The following ACOT7 variants were observed in gnomAD, a reference collection of about 807,000 sequenced individuals.
ACOT7 encodes the protein cytosolic acyl coenzyme A thioester hydrolase.
ACOT7 carries 12 observed loss-of-function variants against 40.2 expected under a neutral mutation model. The ratio of observed to expected loss-of-function variants is 0.30; its 90% confidence interval spans 0.19 to 0.48. The LOEUF (loss-of-function observed/expected upper bound fraction) is 0.48. ACOT7 is among the 20% of genes least tolerant of loss of function. The pLI is 0.99. For synonymous variants in ACOT7, 228 were observed against 219.5 expected, an observed-to-expected ratio of 1.04 and a Z score of -0.34; for missense variants, 395 against 530.8, an observed-to-expected ratio of 0.74 and a Z score of 2.51.
Position 6,330,670 on chromosome 1 carries a change from C to T in ACOT7, c.510+2807G>A, listed in dbSNP as rs1640931104. On this transcript the variant is annotated intron_variant, in intron 4 of 8. Coordinates refer to ENST00000361521, the MANE Select transcript of ACOT7 (RefSeq NM_007274.4). This position sits in a 1 kb window ranked among gnomAD's most constrained non-coding sequence, Gnocchi z 4.6. ...CAAGGAGAGGCGAGGCTAACAGGGGCCACGCTGAAAGCACCCTGTCCCTGC... is the reference window on the plus strand; with the variant it reads ...CAAGGAGAGGCGAGGCTAACAGGGGTCACGCTGAAAGCACCCTGTCCCTGC... Among the ~76,000 whole-genome samples the T allele has an allele frequency of 1.3e-5, 2 of 152,216 alleles. No homozygotes were observed. The highest frequency in any genetic ancestry group is 2.1e-4 in the South Asian group (1 of 4,818).
chr1:6,267,329 C>T (rs1032513554), intron 8 of ACOT7, among the ~76,000 whole-genome samples: 1 of 152,208 alleles, frequency 6.6e-6, no homozygotes, highest in Non-Finnish European at 1.5e-5. Context: ...AGAGAGGTGG[C>T]AAATGGCTCT....
rs1393171304 is a variant in ACOT7 at position 6,338,867 on chromosome 1, C to T, written c.418+566G>A. ...CGTGAGCTGGTGAACACTGGAGCCG[C>T]CCCCTCCTGCAGCGCCCAGTGGGAA... On this transcript the variant is annotated intron_variant, in intron 3 of 8. Coordinates refer to ENST00000361521, the MANE Select transcript of ACOT7 (RefSeq NM_007274.4). This position sits in a 1 kb window ranked among gnomAD's most constrained non-coding sequence, Gnocchi z 4.4. Among the ~76,000 whole-genome samples the T allele has an allele frequency of 6.6e-6, 1 of 152,158 alleles. No individual in the cohort carries two copies. The highest frequency in any genetic ancestry group is 2.4e-5 in the African/African-American group (1 of 41,444).
chr1:6,278,830 G>A lies in ACOT7; in HGVS notation c.1014+2272C>T, dbSNP rs1307713381. On this transcript the variant is annotated intron_variant, in intron 8 of 8. Coordinates refer to ENST00000361521, the MANE Select transcript of ACOT7 (RefSeq NM_007274.4). This position sits in a 1 kb window ranked among gnomAD's most constrained non-coding sequence, Gnocchi z 4.1. ...ATCCAGGGAGCGCAGGCTTCACTGAGGGCCTGGTCAGCTGTGCTACAGACA... is the reference window on the plus strand; with the variant it reads ...ATCCAGGGAGCGCAGGCTTCACTGAAGGCCTGGTCAGCTGTGCTACAGACA... Among the ~76,000 whole-genome samples, 1 of 152,214 alleles carries A rather than the reference G, an allele frequency of 6.6e-6. No individual in the cohort carries two copies. The highest frequency in any genetic ancestry group is 1.5e-5 in the Non-Finnish European group (1 of 68,040).
At position 6,375,662 on chromosome 1, in the gene ACOT7, C is replaced by T. The variant is rs892086300; in HGVS notation, c.143+17595G>A. 1.2e-4 allele frequency among the ~76,000 whole-genome samples: 18 copies of T among 152,202 alleles called. No homozygotes were observed. The East Asian group carries it at 1.7e-3, about 15-fold the overall frequency. ...CTACAAAAAAACTTTTTAGGCCGGGCGCAGTGGCTCACGCCTGTAATCCCA... is the reference window on the plus strand; with the variant it reads ...CTACAAAAAAACTTTTTAGGCCGGGTGCAGTGGCTCACGCCTGTAATCCCA... On this transcript the variant is annotated intron_variant, in intron 1 of 8. Transcript: ENST00000361521.
At position 6,360,455 on chromosome 1, in the gene ACOT7, C is replaced by A. The variant is rs1641864144; in HGVS notation, c.144-10589G>T. On this transcript the variant is annotated intron_variant, in intron 1 of 8. Coordinates refer to ENST00000361521, the MANE Select transcript of ACOT7 (RefSeq NM_007274.4). ...TTCCTGAGTAGCCGGCATCCCAGGG[C>A]CAGGGTCTTGAAGCCACAGCGTCTC... The A allele has an allele frequency of 2.1e-6, 3 of 1,416,210 alleles. No individual in the cohort carries two copies. In the East Asian group the frequency reaches 7.0e-5, roughly 33 times the overall value. The allele number at this position is 1,416,210 out of a possible 1,614,324, so 87.7% of individuals were successfully genotyped here.
chr1:6,305,062 C>T (rs1169560233), intron 6 of ACOT7, among the ~76,000 whole-genome samples: 7 of 147,182 alleles, frequency 4.8e-5, no homozygotes, highest in East Asian at 2.1e-4. Context: ...GGCGGCTGGC[C>T]GGGCGGGGGG....
At chr1:6,304,669 T>C (rs1361570455) in intron 6 of ACOT7, among the ~76,000 whole-genome samples, 1 of 133,434 alleles carries the variant, frequency 7.5e-6, no homozygotes, top group Non-Finnish European at 1.6e-5. Context: ...CATTTAACCC[T>C]GAGTGGACAC....
chr1:6,317,746 T>TTC (rs1640533646), intron 6 of ACOT7, among the ~76,000 whole-genome samples: 1 of 144,964 alleles, frequency 6.9e-6, no homozygotes, highest in Non-Finnish European at 1.5e-5. Flanking sequence ...TTTTTTTTTT[T>TTC]CTTGAGACGG....
chr1:6,360,268 T>C (rs1641857910), intron 1 of ACOT7, among the ~76,000 whole-genome samples: 1 of 152,158 alleles, frequency 6.6e-6, no homozygotes, highest in Non-Finnish European at 1.5e-5. Flanking sequence ...CGACCCAAAA[T>C]GTCTGCCCGG....
At chr1:6,366,581 T>C (rs1042892671) in intron 1 of ACOT7, among the ~76,000 whole-genome samples, 7 of 146,550 alleles carry the variant, frequency 4.8e-5, no homozygotes, top group African/African-American at 1.8e-4. Flanking sequence ...AGTGGGAGCC[T>C]ATCTCAAATA....
At chr1:6,314,324 C>T (rs1048338520) in intron 6 of ACOT7, among the ~76,000 whole-genome samples, 1 of 151,952 alleles carries the variant, frequency 6.6e-6, no homozygotes, top group African/African-American at 2.4e-5. Flanking sequence ...CCTGCAGGAG[C>T]GATGGGAGGA....
At chr1:6,327,562 A>G (rs935384653) in intron 4 of ACOT7, 149 bp from the exon 5 acceptor site, 1 of 665,998 alleles carries the variant, frequency 1.5e-6, no homozygotes, top group African/African-American at 1.8e-5. Context: ...TAATAAGAAT[A>G]CAGAAACAGT....
chr1:6,315,908 T>C (rs758906184), intron 6 of ACOT7, among the ~76,000 whole-genome samples: 9 of 152,152 alleles, frequency 5.9e-5, no homozygotes, highest in Non-Finnish European at 8.8e-5. Flanking sequence ...CCTGTATCAG[T>C]GAAGCAGCTT....
chr1:6,333,173 G>A (rs747996781), intron 4 of ACOT7, among the ~76,000 whole-genome samples: 10 of 152,244 alleles, frequency 6.6e-5, no homozygotes, highest in South Asian at 2.1e-4. Flanking sequence ...TTATGTCCAC[G>A]GGTTCTGGGC....
chr1:6,300,902 T>A lies in ACOT7; in HGVS notation c.713-5922A>T, dbSNP rs999262. ...GAGGCAGCAGCCTCCCTGTCTCCAT[T>A]CTACAAGTCAGGAACCAGACACATG... On this transcript the variant is annotated intron_variant, in intron 6 of 8. Coordinates refer to ENST00000361521, the MANE Select transcript of ACOT7 (RefSeq NM_007274.4). 3.6e-3 allele frequency among the ~76,000 whole-genome samples: 542 copies of A among 152,344 alleles called. 14 individuals carry two copies. The highest frequency in any genetic ancestry group is 0.032 in the Admixed American group (486 of 15,306).
At chr1:6,300,997 G>A (rs1639960102) in intron 6 of ACOT7, among the ~76,000 whole-genome samples, 1 of 152,240 alleles carries the variant, frequency 6.6e-6, no homozygotes, top group South Asian at 2.1e-4. Context: ...GGCCACCAGA[G>A]GCAATGCCAT....
At position 6,287,138 on chromosome 1, in the gene ACOT7, C is replaced by T. The variant is rs543690660; in HGVS notation, c.830-5852G>A. Among the ~76,000 whole-genome samples, 8 of 152,318 alleles carry T rather than the reference C, an allele frequency of 5.3e-5. No individual in the cohort carries two copies. In the South Asian group the frequency reaches 6.2e-4, roughly 12 times the overall value. On this transcript the variant is annotated intron_variant, in intron 7 of 8. Transcript: ENST00000361521. Reference sequence around the variant, plus strand: ...AGCCAGGAGTTCCGGCACAAGTGCACGGGGACCAGGTGCAGTCACTCCGCA... The same window carrying T: ...AGCCAGGAGTTCCGGCACAAGTGCATGGGGACCAGGTGCAGTCACTCCGCA...
In ACOT7 at chr1:6,338,158, G is replaced by A. The variant is rs74373758; in HGVS notation, c.418+1275C>T. On this transcript the variant is annotated intron_variant, in intron 3 of 8. Transcript: ENST00000361521. The surrounding 1 kb of genome is among the most constrained non-coding windows in gnomAD (Gnocchi z 4.4). The stretch of plus-strand genomic sequence containing the variant: ...GCCACCAACTCCTGCAATGACAAAG[G>A]GCACTGCTGACTGGGCCCTCACAAG... Among the ~76,000 whole-genome samples, 1 of 152,228 alleles carries A rather than the reference G, an allele frequency of 6.6e-6. No homozygotes were observed. The highest frequency in any genetic ancestry group is 1.9e-4 in the East Asian group (1 of 5,172).
chr1:6,339,467 C>T lies in ACOT7; in HGVS notation c.384G>A (p.Val128=), dbSNP rs553874430. The T allele has an allele frequency of 1.1e-3, 1,821 of 1,613,738 alleles. 37 individuals carry two copies. The South Asian group carries it at 0.019, about 17-fold the overall frequency. ...ITYTSKHSVE[V]QVNVMSENIL... is the part of the protein sequence containing the mutation. ...TGTTTTCGGACATCACGTTGACCTG[C>T]ACCTCCACAGAGTGCTTGGAGGTGT... Residue 128 remains valine, a synonymous_variant, in exon 3 of 9, where the codon GTG becomes GTA. Transcript: ENST00000361521.
Sources: gnomAD v4.1 joint callset for allele counts (sites outside exome capture counted in the v4.1 genomes callset) on GRCh38, gnomAD v4.1.1 for gene constraint, Gnocchi (gnomAD v3.1) non-coding constraint, MANE v1.5 for transcripts, NCBI Gene and HGNC (gene_info 2026-07-23, HGNC 2026-07-21) for gene names.